Variants in FMN1 observed in about 807,000 individuals in gnomAD.
FMN1 encodes formin 1.
A neutral mutation model predicts 132.4 loss-of-function variants in FMN1; 110 were observed. The observed-to-expected ratio is 0.83, with a 90% CI of 0.71 to 0.97. The LOEUF (loss-of-function observed/expected upper bound fraction) is 0.97, where lower values mean the gene tolerates loss of function less well. FMN1 is among the 50% of genes least tolerant of loss of function. The pLI, the probability that FMN1 is intolerant of heterozygous loss-of-function variation, is 0.00. For missense variants in FMN1, 1,792 were observed against 1,705.3 expected, an observed-to-expected ratio of 1.05 and a Z score of -0.90; for synonymous variants, 722 against 651.7, an observed-to-expected ratio of 1.11 and a Z score of -1.64.
At chr15:33,019,501 G>A (rs1026331967) in intron 6 of FMN1, among the ~76,000 whole-genome samples, 8 of 152,198 alleles carry the variant, frequency 5.3e-5, no homozygotes, top group East Asian at 3.9e-4. Context: ...GCCCTTGGGC[G>A]GTCGATGGGA....
chr15:33,085,550 A>C (rs1453501926), intron 5 of FMN1, among the ~76,000 whole-genome samples: 3 of 149,548 alleles, frequency 2.0e-5, no homozygotes, highest in African/African-American at 7.3e-5. Flanking sequence ...ATATATTAAA[A>C]TTATACATAT....
intron 17 of FMN1, among the ~76,000 whole-genome samples, chr15:32,809,235 T>G (rs2057788382): frequency 6.6e-6 from 1 of 151,898 alleles, no homozygotes; most frequent in Non-Finnish European, 1.5e-5. Context: ...GATACAGGAG[T>G]CTTTTTTTGA....
chr15:32,934,389 T>C (rs978447463), intron 9 of FMN1, among the ~76,000 whole-genome samples: 2 of 152,284 alleles, frequency 1.3e-5, no homozygotes, highest in African/African-American at 2.4e-5. Flanking sequence ...CGCATCATTA[T>C]AGTATTCTGT....
At chr15:33,093,104 A>C (rs993361300) in intron 4 of FMN1, among the ~76,000 whole-genome samples, 2 of 152,250 alleles carry the variant, frequency 1.3e-5, no homozygotes, top group African/African-American at 2.4e-5. Flanking sequence ...ACAAAATTAC[A>C]GTGCCTTTTA....
chr15:32,863,111 T>C (rs16960146), intron 16 of FMN1, among the ~76,000 whole-genome samples: 27,151 of 152,184 alleles, frequency 0.18, 3,025 homozygotes, highest in East Asian at 0.3. Context: ...CCTAGAATGC[T>C]TGGTTAAGGA....
intron 5 of FMN1, among the ~76,000 whole-genome samples, chr15:33,072,138 T>TG (rs972873620): frequency 3.3e-5 from 5 of 152,136 alleles, no homozygotes; most frequent in Admixed American, 2.0e-4. Flanking sequence ...TTGAGTAACT[T>TG]GGGGAAAAAT....
At chr15:32,937,821 G>A (rs141133700) in intron 9 of FMN1, among the ~76,000 whole-genome samples, 138 of 152,302 alleles carry the variant, frequency 9.1e-4, no homozygotes, top group African/African-American at 3.2e-3. Context: ...GAAGAGTAAC[G>A]AGAAAAAGAG....
intron 16 of FMN1, among the ~76,000 whole-genome samples, chr15:32,869,691 T>G (rs2059470346): frequency 6.6e-6 from 1 of 151,676 alleles, no homozygotes. Context: ...ATGTGCACAG[T>G]GGAGGAGAGG....
chr15:32,935,864 G>A (rs895352714), intron 9 of FMN1, among the ~76,000 whole-genome samples: 1 of 152,106 alleles, frequency 6.6e-6, no homozygotes, highest in Non-Finnish European at 1.5e-5. Flanking sequence ...CTGACCTCGT[G>A]ATCTGCCCAC....
At chr15:32,961,596 TA>T (rs1198871191) in intron 9 of FMN1, among the ~76,000 whole-genome samples, 5 of 151,980 alleles carry the variant, frequency 3.3e-5, no homozygotes, top group Admixed American at 3.3e-4. Flanking sequence ...AAAAACCCAC[TA>T]AAACAGGGAA....
chr15:33,174,134 A>T (rs2140327003), intron 3 of FMN1, among the ~76,000 whole-genome samples: 1 of 152,274 alleles, frequency 6.6e-6, no homozygotes, highest in Admixed American at 6.5e-5. Flanking sequence ...GGAGTAAGTG[A>T]CACAGAAAAG....
intron 7 of FMN1, among the ~76,000 whole-genome samples, chr15:32,989,580 G>A (rs2033306750): frequency 6.6e-6 from 1 of 152,030 alleles, no homozygotes; most frequent in African/African-American, 2.4e-5. Context: ...AAGAAAGAAA[G>A]CCAAGATAAA....
intron 6 of FMN1, among the ~76,000 whole-genome samples, chr15:33,040,245 C>T (rs2036368876): frequency 6.6e-6 from 1 of 152,214 alleles, no homozygotes; most frequent in Admixed American, 6.5e-5. Context: ...GGAAGCCTGT[C>T]CTAATTACTT....
chr15:33,040,032 G>T (rs2036357788), intron 6 of FMN1, among the ~76,000 whole-genome samples: 2 of 152,140 alleles, frequency 1.3e-5, no homozygotes, highest in African/African-American at 2.4e-5. Context: ...GCTCAGCATG[G>T]CATGCCATAA....
chr15:32,895,854 A>G lies in FMN1; in HGVS notation c.3714+2980T>C, dbSNP rs543878151. On this transcript the variant is annotated intron_variant, in intron 15 of 20. Transcript: ENST00000616417. ...TTTTTGAGATACTACAGTATTTTAA[A>G]ATTTTAATTAGGAATTGAAGTTTTT... Among the ~76,000 whole-genome samples, 12 of 152,258 alleles carry G rather than the reference A, an allele frequency of 7.9e-5. No homozygotes were observed. The South Asian group carries it at 2.5e-3, about 32-fold the overall frequency.
At chr15:33,097,417 A>AC (rs2039130878) in intron 4 of FMN1, among the ~76,000 whole-genome samples, 2 of 152,200 alleles carry the variant, frequency 1.3e-5, no homozygotes, top group African/African-American at 4.8e-5. Flanking sequence ...CCCACAGATC[A>AC]CAGTAGCTCA....
rs775080580 is a variant in FMN1 at position 32,818,792 on chromosome 15, GT to G, written c.3929-14461del. ...AGCCACACACACAAGCACGCATTCA[GT>G]AGGAAACAGATCTCCCTCGAAATCT... On this transcript the variant is annotated intron_variant, in intron 17 of 20. Transcript: ENST00000616417. 9.1e-4 allele frequency among the ~76,000 whole-genome samples: 138 copies of G among 152,140 alleles called. 2 individuals are homozygous for G. The highest frequency in any genetic ancestry group is 2.1e-4 in the Non-Finnish European group (14 of 68,024).
At chr15:32,890,600 C>G (rs2060003991) in intron 15 of FMN1, among the ~76,000 whole-genome samples, 1 of 152,182 alleles carries the variant, frequency 6.6e-6, no homozygotes, top group African/African-American at 2.4e-5. Context: ...ACTTCGCCGA[C>G]TTTTTGATGA....
At chr15:32,887,642 T>C (rs2059927232) in intron 16 of FMN1, among the ~76,000 whole-genome samples, 1 of 152,212 alleles carries the variant, frequency 6.6e-6, no homozygotes. Context: ...TATACATATA[T>C]ATTTAAAGCA....
Sources: allele counts gnomAD v4.1 joint callset (sites outside exome capture counted in the v4.1 genomes callset), GRCh38; gene constraint gnomAD v4.1.1; transcripts MANE v1.5; gene names NCBI Gene and HGNC (gene_info 2026-07-23, HGNC 2026-07-21).